The following OTUD7B variants were observed in gnomAD, a reference collection of about 807,000 sequenced individuals.
The protein encoded by OTUD7B is OTU deubiquitinase 7B, also known as OTU domain-containing protein 7B.
Under a neutral mutation model 82.2 loss-of-function variants are expected in OTUD7B, and 34 were observed. The ratio of observed to expected loss-of-function variants is 0.41; its 90% CI spans 0.31 to 0.55. The LOEUF is 0.55. Among genes scored for constraint, OTUD7B ranks in the 20% least tolerant of loss-of-function variants. The probability of loss-of-function intolerance (pLI) is 0.20; values close to 1 mark genes in which losing one functional copy is unlikely to be tolerated. For synonymous variants in OTUD7B, 398 were observed against 402.7 expected, an observed-to-expected ratio of 0.99 and a Z score of 0.14; for missense variants, 944 against 1,062.1, an observed-to-expected ratio of 0.89 and a Z score of 1.55.
At chr1:150,043,663 C>G in the OTUD7B span, among the ~76,000 whole-genome samples, 1 of 152,088 alleles carries the variant, frequency 6.6e-6, no homozygotes, top group Non-Finnish European at 1.5e-5. Context: ...ACTACATTCC[C>G]TTGCAACTCA....
At chr1:149,953,160 C>T (rs184476582) in intron 7 of OTUD7B, among the ~76,000 whole-genome samples, 1 of 152,264 alleles carries the variant, frequency 6.6e-6, no homozygotes, top group East Asian at 1.9e-4. Context: ...AGGTTTTCTT[C>T]TAGGGTTTTT....
the OTUD7B span, among the ~76,000 whole-genome samples, chr1:150,016,446 C>CTTTTCTTTTTTTTTT: frequency 8.5e-5 from 11 of 130,056 alleles, no homozygotes; most frequent in South Asian, 2.3e-4. Context: ...TTTCTCTTTT[C>CTTTTCTTTTTTTTTT]TTTTTCTTTT....
the OTUD7B span, among the ~76,000 whole-genome samples, chr1:150,057,090 T>A: frequency 6.6e-6 from 1 of 152,198 alleles, no homozygotes; most frequent in African/African-American, 2.4e-5. Context: ...ATGTATGCCA[T>A]GATATTGAGA....
At chr1:150,063,236 G>A in the OTUD7B span, among the ~76,000 whole-genome samples, 2,042 of 152,172 alleles carry the variant, frequency 0.013, 38 homozygotes, top group African/African-American at 0.046. Flanking sequence ...CAGATCACTT[G>A]AGGCCAGGAG....
chr1:150,001,379 T>C (rs1391344254), intron 1 of OTUD7B, among the ~76,000 whole-genome samples: 7 of 152,178 alleles, frequency 4.6e-5, no homozygotes, highest in Admixed American at 1.3e-4. Flanking sequence ...TAAGGAGATA[T>C]CTGACTTGTT....
intron 2 of OTUD7B, among the ~76,000 whole-genome samples, chr1:149,973,494 T>C (rs1650069925): frequency 6.6e-6 from 1 of 152,206 alleles, no homozygotes; most frequent in East Asian, 1.9e-4. Context: ...TTGTTGTTAT[T>C]GTTGTTTTTG....
chr1:150,003,249 C>CAAA (rs11297514), intron 1 of OTUD7B, among the ~76,000 whole-genome samples: 5,460 of 117,586 alleles, frequency 0.046, 173 homozygotes, highest in Non-Finnish European at 0.07. Context: ...GACTCTGTCT[C>CAAA]AAAAAAAAAA....
the OTUD7B span, among the ~76,000 whole-genome samples, chr1:150,062,919 G>T: frequency 2.0e-5 from 3 of 151,260 alleles, no homozygotes; most frequent in Non-Finnish European, 2.9e-5. Flanking sequence ...TCACCATGTT[G>T]ATCAGGCTGG....
the OTUD7B span, among the ~76,000 whole-genome samples, chr1:150,060,715 T>C: frequency 6.6e-6 from 1 of 152,146 alleles, no homozygotes. Flanking sequence ...AAATATTTAT[T>C]ATGCAGTAAG....
upstream of OTUD7B, among the ~76,000 whole-genome samples, chr1:150,013,585 C>A (rs1470028896): frequency 6.6e-6 from 1 of 151,944 alleles, no homozygotes; most frequent in African/African-American, 2.4e-5. Context: ...ACGCAGAATT[C>A]TTTCTTGGAA....
intron 1 of OTUD7B, among the ~76,000 whole-genome samples, chr1:149,978,493 A>G (rs1224047310): frequency 6.6e-6 from 1 of 152,202 alleles, no homozygotes; most frequent in East Asian, 1.9e-4. Flanking sequence ...TGGTCAAAAG[A>G]GCGACTGTCT....
the OTUD7B span, among the ~76,000 whole-genome samples, chr1:150,053,391 C>CT: frequency 2.0e-5 from 3 of 150,444 alleles, no homozygotes; most frequent in African/African-American, 7.3e-5. Flanking sequence ...TTTTCTTTCC[C>CT]TTTTTTTTTC....
At chr1:149,984,203 C>T (rs1553780362) in intron 1 of OTUD7B, among the ~76,000 whole-genome samples, 1 of 151,842 alleles carries the variant, frequency 6.6e-6, no homozygotes, top group African/African-American at 2.4e-5. Flanking sequence ...ACATCACCTC[C>T]CCTTACTCCT....
chr1:149,955,743 A>G (rs1394613427), intron 7 of OTUD7B, among the ~76,000 whole-genome samples: 1 of 151,972 alleles, frequency 6.6e-6, no homozygotes, highest in Non-Finnish European at 1.5e-5. Flanking sequence ...GGGTGCATAT[A>G]TATTTAAGAT....
At position 149,949,119 on chromosome 1, in the gene OTUD7B, T is replaced by C. The variant is rs371481616; in HGVS notation, c.1124-36A>G. ...AGAAACATATCATCAAGGAATCTCC[T>C]TAAGAGAGAAAGGTAACTGAACACA... On this transcript the variant is annotated intron_variant, in intron 9 of 11. Transcript: ENST00000581312. The C allele has an allele frequency of 3.1e-6, 4 of 1,296,088 alleles. No individual in the cohort carries two copies. In the African/African-American group the frequency reaches 5.8e-5, roughly 19 times the overall value. 80.3% of individuals were successfully genotyped at this position (1,296,088 alleles called of 1,614,324 possible).
At chr1:150,000,373 G>A (rs900746829) in intron 1 of OTUD7B, among the ~76,000 whole-genome samples, 8 of 152,040 alleles carry the variant, frequency 5.3e-5, no homozygotes, top group African/African-American at 1.9e-4. Flanking sequence ...TACTTGGGAG[G>A]CTGAGGCAGG....
At chr1:150,006,364 G>A (rs1188952012) in intron 1 of OTUD7B, among the ~76,000 whole-genome samples, 1 of 152,142 alleles carries the variant, frequency 6.6e-6, no homozygotes, top group East Asian at 1.9e-4. Context: ...GGCTGAGGCA[G>A]GACAATGGCA....
In OTUD7B at chr1:149,944,780, T is replaced by C. The variant is rs1553771638; in HGVS notation, c.1609A>G (p.Thr537Ala). Reference protein sequence around the residue: ...SKGSKPGGVGTGLGGSSGTET... With the variant: ...SKGSKPGGVGAGLGGSSGTET... Reference sequence around the variant, plus strand: ...GTGCCGCTGCTTCCTCCCAACCCTGTCCCCACCCCTCCAGGCTTTGAACCC... The same window carrying C: ...GTGCCGCTGCTTCCTCCCAACCCTGCCCCCACCCCTCCAGGCTTTGAACCC... Residue 537 changes from threonine (T) to alanine (A), a missense_variant, in exon 12 of 12, where the codon ACA becomes GCA. Coordinates refer to ENST00000581312, the MANE Select transcript of OTUD7B (RefSeq NM_020205.4). 6 of 1,613,990 alleles carry C rather than the reference T, an allele frequency of 3.7e-6. No homozygotes were observed. In the South Asian group the frequency reaches 6.6e-5, roughly 18 times the overall value.
the OTUD7B span, among the ~76,000 whole-genome samples, chr1:150,025,215 C>T: frequency 7.2e-5 from 11 of 151,796 alleles, no homozygotes; most frequent in Non-Finnish European, 1.0e-4. Context: ...TGAGGTCACG[C>T]GTTCGAGACC....
Sources: allele counts gnomAD v4.1 joint callset (sites outside exome capture counted in the v4.1 genomes callset), GRCh38; gene constraint gnomAD v4.1.1; transcripts MANE v1.5; gene names NCBI Gene and HGNC (gene_info 2026-07-23, HGNC 2026-07-21).